The following GLB1 variants were observed in gnomAD, a reference collection of about 807,000 sequenced individuals.
The protein encoded by GLB1 is galactosidase beta 1.
A neutral mutation model predicts 74.0 loss-of-function variants in GLB1; 56 were observed. That is an observed-to-expected ratio of 0.76 (90% CI 0.61 to 0.94). GLB1 has a LOEUF of 0.94. Ranked by LOEUF, GLB1 falls within the 40% of genes least tolerant of loss-of-function variation. GLB1 has a pLI of 0.00. For missense variants in GLB1, 787 were observed against 845.5 expected (o/e 0.93, Z 0.86); for synonymous variants, 323 against 323.6 (o/e 1.00, Z 0.02).
At chr3:32,985,293 A>T in the GLB1 span, among the ~76,000 whole-genome samples, 1 of 151,438 alleles carries the variant, frequency 6.6e-6, no homozygotes, top group African/African-American at 2.4e-5. Context: ...TTATATTTTT[A>T]TTATTATTAT....
At chr3:33,028,575 A>G (rs1278491412) in intron 10 of GLB1, among the ~76,000 whole-genome samples, 1 of 152,058 alleles carries the variant, frequency 6.6e-6, no homozygotes, top group East Asian at 1.9e-4. Flanking sequence ...TGGGGTGACT[A>G]GGTCAAAGGA....
At chr3:32,989,675 G>A in the GLB1 span, among the ~76,000 whole-genome samples, 12 of 152,206 alleles carry the variant, frequency 7.9e-5, no homozygotes, top group Non-Finnish European at 1.5e-4. Flanking sequence ...GTTCTTCTGT[G>A]TTGTGAGTTT....
intron 15 of GLB1, among the ~76,000 whole-genome samples, chr3:33,003,611 G>A (rs893523953): frequency 2.0e-5 from 3 of 152,184 alleles, no homozygotes; most frequent in Non-Finnish European, 4.4e-5. Context: ...AAGCATAACT[G>A]CAAATTAGAC....
intron 1 of GLB1, chr3:33,094,432 T>C (rs1700916439): frequency 8.9e-7 from 1 of 1,121,100 alleles, no homozygotes; most frequent in Non-Finnish European, 1.2e-6. Flanking sequence ...AGTCAGTTGC[T>C]AGCTATACTT....
chr3:33,070,651 A>G (rs1054144855), intron 2 of GLB1, among the ~76,000 whole-genome samples: 6 of 152,186 alleles, frequency 3.9e-5, no homozygotes, highest in Admixed American at 6.6e-5. Flanking sequence ...GAAGACCACC[A>G]TGGGAAACAT....
In GLB1 at chr3:33,074,525, C is replaced by T. The variant is rs557138518; in HGVS notation, c.76-1812G>A. Among the ~76,000 whole-genome samples, 9 of 150,992 alleles carry T rather than the reference C, an allele frequency of 6.0e-5. No individual in the cohort carries two copies. In the South Asian group the frequency reaches 1.9e-3, roughly 32 times the overall value. On this transcript the variant is annotated intron_variant, in intron 1 of 15. Coordinates refer to ENST00000307363, the MANE Select transcript of GLB1 (RefSeq NM_000404.4). Reference sequence around the variant, plus strand: ...ATGTAAGATTTATTTCTACCAAGCACGATTTTAAGAAACACTGTTTTGGGG... The same window carrying T: ...ATGTAAGATTTATTTCTACCAAGCATGATTTTAAGAAACACTGTTTTGGGG...
At chr3:33,041,260 A>G (rs1346287709) in intron 10 of GLB1, among the ~76,000 whole-genome samples, 1 of 152,240 alleles carries the variant, frequency 6.6e-6, no homozygotes, top group African/African-American at 2.4e-5. Flanking sequence ...CCAAGAGGAA[A>G]GATAGATTAT....
At chr3:33,073,777 G>A (rs1226971830) in intron 1 of GLB1, among the ~76,000 whole-genome samples, 1 of 152,096 alleles carries the variant, frequency 6.6e-6, no homozygotes, top group Non-Finnish European at 1.5e-5. Flanking sequence ...GAGAGGCCAA[G>A]GTTGGAGGAT....
intron 12 of GLB1, 34 bp from the exon 13 acceptor site, chr3:33,018,595 C>CCTTTT (rs1185545002): frequency 6.2e-7 from 1 of 1,607,444 alleles, no homozygotes; most frequent in Admixed American, 1.7e-5. Context: ...AAATACATCA[C>CCTTTT]TATTGCCATT....
At chr3:33,033,252 T>C (rs895151632) in intron 10 of GLB1, among the ~76,000 whole-genome samples, 2 of 152,200 alleles carry the variant, frequency 1.3e-5, no homozygotes, top group African/African-American at 4.8e-5. Context: ...GAAAATTTCT[T>C]CCAAAAATTA....
At chr3:33,059,906 CTG>C (rs1183986267) in intron 5 of GLB1, among the ~76,000 whole-genome samples, 1 of 152,134 alleles carries the variant, frequency 6.6e-6, no homozygotes, top group Admixed American at 6.5e-5. Flanking sequence ...GCACAAGAAA[CTG>C]TGAGTCCCAG....
At chr3:33,071,237 T>C (rs1699876382) in intron 2 of GLB1, among the ~76,000 whole-genome samples, 1 of 152,222 alleles carries the variant, frequency 6.6e-6, no homozygotes, top group African/African-American at 2.4e-5. Context: ...ACTGTCGGAA[T>C]TATAAACAGG....
At position 33,016,850 on chromosome 3, in the gene GLB1, T is replaced by C. The variant is rs751683034; in HGVS notation, c.1348-10A>G. 3 of 1,613,710 alleles carry C rather than the reference T, an allele frequency of 1.9e-6. 1 individual carries two copies. The highest frequency in any genetic ancestry group is 4.5e-5 in the East Asian group (2 of 44,876). ...GGACTCCCTGGGGGATCTGTGGGGT[T>C]CAAGACCAAATGACAATTGAATTGA... On this transcript the variant is annotated splice_polypyrimidine_tract_variant and intron_variant, in intron 13 of 15. Transcript: ENST00000307363.
intron 10 of GLB1, among the ~76,000 whole-genome samples, chr3:33,031,457 A>G (rs1559390954): frequency 6.6e-6 from 1 of 151,360 alleles, no homozygotes. Context: ...CAGCCTGGCC[A>G]ACATGGCGAA....
intron 9 of GLB1, among the ~76,000 whole-genome samples, chr3:33,048,787 C>T (rs1698849846): frequency 6.6e-6 from 1 of 152,168 alleles, no homozygotes; most frequent in East Asian, 1.9e-4. Flanking sequence ...GACTCTGGCT[C>T]ACCACCACCT....
chr3:33,087,844 A>C (rs972456828), intron 1 of GLB1, among the ~76,000 whole-genome samples: 3 of 149,794 alleles, frequency 2.0e-5, no homozygotes, highest in African/African-American at 7.4e-5. Context: ...GTGAATATTG[A>C]TGCAAAAATC....
chr3:33,020,309 T>C (rs187739551), intron 12 of GLB1, among the ~76,000 whole-genome samples: 1 of 152,338 alleles, frequency 6.6e-6, no homozygotes, highest in Admixed American at 6.5e-5. Context: ...GCTGTTATTA[T>C]TTTGCCTTAC....
At chr3:33,036,728 CGT>C (rs1491040375) in intron 10 of GLB1, among the ~76,000 whole-genome samples, 7 of 151,352 alleles carry the variant, frequency 4.6e-5, no homozygotes, top group African/African-American at 1.7e-4. Context: ...CACGTTACAA[CGT>C]TGAAAACATT....
At chr3:33,057,053 G>C (rs1425707404) in intron 6 of GLB1, among the ~76,000 whole-genome samples, 1 of 152,228 alleles carries the variant, frequency 6.6e-6, no homozygotes, top group African/African-American at 2.4e-5. Flanking sequence ...GGTAGGGCCT[G>C]GTGGCAGGCG....
Sources: allele counts gnomAD v4.1 joint callset (sites outside exome capture counted in the v4.1 genomes callset), GRCh38; gene constraint gnomAD v4.1.1; transcripts MANE v1.5; gene names NCBI Gene and HGNC (gene_info 2026-07-23, HGNC 2026-07-21).